Variants in MANSC1 observed in about 807,000 individuals in gnomAD.
MANSC1 encodes MANSC domain containing 1.
Under a neutral mutation model 14.1 loss-of-function variants are expected in MANSC1, and 13 were observed. The ratio of observed to expected loss-of-function variants is 0.92; its 90% confidence interval spans 0.60 to 1.46. The LOEUF is 1.46. MANSC1 is among the 40% of genes most tolerant of loss of function. MANSC1 has a pLI of 0.00. For missense variants in MANSC1, 486 were observed against 511.4 expected, an observed-to-expected ratio of 0.95 and a Z score of 0.48; for synonymous variants, 227 against 200.7, an observed-to-expected ratio of 1.13 and a Z score of -1.11.
At position 12,330,487 on chromosome 12, in the gene MANSC1, G is replaced by A. The variant is rs1862770796; in HGVS notation, c.836C>T (p.Pro279Leu). The change falls in exon 4 of 4, where the codon CCC (proline) becomes CTC (leucine). Residue 279 changes from proline (P) to leucine (L), a missense_variant. Transcript: ENST00000535902. The part of the protein sequence containing the change: ...PPVTTVTSQP[P>L]TTLISTVFTR... ...AAAAACTGTAGAAATGAGGGTCGTG[G>A]GAGGCTGAGAAGTGACAGTGGTTAC... 2 of 1,613,590 alleles carry A rather than the reference G, an allele frequency of 1.2e-6. No individual in the cohort carries two copies. The highest frequency in any genetic ancestry group is 1.3e-5 in the African/African-American group (1 of 74,922).
intron 2 of MANSC1, among the ~76,000 whole-genome samples, chr12:12,339,686 C>T (rs1283272245): frequency 6.6e-6 from 1 of 152,164 alleles, no homozygotes; most frequent in Non-Finnish European, 1.5e-5. Context: ...GGAATACAGT[C>T]TATCTTTTAA....
At chr12:12,340,351 G>A (rs925901032) in intron 2 of MANSC1, among the ~76,000 whole-genome samples, 2 of 152,158 alleles carry the variant, frequency 1.3e-5, no homozygotes, top group African/African-American at 4.8e-5. Flanking sequence ...TCCAACTCCC[G>A]AGATGGGAAG....
At chr12:12,338,858 G>T in intron 2 of MANSC1, 1 of 391,800 alleles carries the variant, frequency 2.6e-6, no homozygotes, top group Non-Finnish European at 4.7e-6. Context: ...AAGAAGGCAG[G>T]GCTGAAAGGC....
At chr12:12,348,674 A>G (rs1308412903) in intron 1 of MANSC1, among the ~76,000 whole-genome samples, 1 of 150,570 alleles carries the variant, frequency 6.6e-6, no homozygotes, top group East Asian at 2.0e-4. Flanking sequence ...CAGAGTGAAC[A>G]TTATGTGAAC....
intron 2 of MANSC1, among the ~76,000 whole-genome samples, chr12:12,339,732 A>T (rs1342112651): frequency 6.6e-6 from 1 of 151,812 alleles, no homozygotes; most frequent in Non-Finnish European, 1.5e-5. Flanking sequence ...TTTTCTTCCA[A>T]TTACCCCTCT....
intron 1 of MANSC1, 22 bp downstream of exon 1, chr12:12,350,056 G>A (rs1270489429): frequency 6.6e-6 from 1 of 152,170 alleles, no homozygotes; most frequent in African/African-American, 2.4e-5. Context: ...GTCGGGGGTG[G>A]GTATTGGGGA....
In MANSC1 at chr12:12,330,022, C is replaced by T; in HGVS notation, c.*5G>A. 1 of 1,608,644 alleles carries T rather than the reference C, an allele frequency of 6.2e-7. No individual in the cohort carries two copies. Among genetic ancestry groups the T allele is most frequent in the Non-Finnish European group, 8.5e-7 (1 of 1,176,892 alleles). ...AAATGAATTAAGAGACACCGAGTTC[C>T]ATCCTTAGATGTCCACATAGATCCC... On this transcript the variant is annotated 3_prime_UTR_variant, in exon 4 of 4. Coordinates refer to ENST00000535902, the MANE Select transcript of MANSC1 (RefSeq NM_018050.4).
intron 1 of MANSC1, among the ~76,000 whole-genome samples, chr12:12,345,870 T>C (rs1406432599): frequency 1.3e-5 from 2 of 152,200 alleles, no homozygotes; most frequent in African/African-American, 2.4e-5. Context: ...ATTACCAAAA[T>C]AGATTTTAGA....
At chr12:12,344,008 G>A (rs925052668) in intron 1 of MANSC1, among the ~76,000 whole-genome samples, 1 of 152,008 alleles carries the variant, frequency 6.6e-6, no homozygotes, top group African/African-American at 2.4e-5. Flanking sequence ...AGCGACTTGG[G>A]AGGCTGAGGT....
intron 3 of MANSC1, among the ~76,000 whole-genome samples, chr12:12,336,592 A>C (rs1592031936): frequency 1.3e-5 from 2 of 152,064 alleles, no homozygotes; most frequent in South Asian, 2.1e-4. Context: ...AGTGGCATGA[A>C]CACAGCTCAC....
Position 12,326,492 on chromosome 12 carries a change from GTC to G in MANSC1, c.*3533_*3534del, listed in dbSNP as rs1284863729. On this transcript the variant is annotated 3_prime_UTR_variant, in exon 4 of 4. Transcript: ENST00000535902. ...CAGCTGACCGGTAGTGCCCACCACA[GTC>G]TGGGAGCCAAAGAGTTCCAAAAGTT... 1 of 152,288 alleles carries G rather than the reference GTC, an allele frequency of 6.6e-6. No individual in the cohort carries two copies. The highest frequency in any genetic ancestry group is 2.4e-5 in the African/African-American group (1 of 41,448). 9.4% of individuals were successfully genotyped at this position (152,288 alleles called of 1,614,324 possible).
intron 2 of MANSC1, among the ~76,000 whole-genome samples, chr12:12,341,805 A>G (rs1436912796): frequency 6.6e-6 from 1 of 152,260 alleles, no homozygotes; most frequent in Non-Finnish European, 1.5e-5. Context: ...AGCCTGACCA[A>G]CATGGTGAAA....
chr12:12,339,488 G>C (rs906093426), intron 2 of MANSC1, among the ~76,000 whole-genome samples: 1 of 152,038 alleles, frequency 6.6e-6, no homozygotes, highest in Non-Finnish European at 1.5e-5. Flanking sequence ...GGCTAGTCTT[G>C]AACTCCTGGG....
intron 3 of MANSC1, among the ~76,000 whole-genome samples, chr12:12,336,457 T>C (rs1322668767): frequency 6.6e-6 from 1 of 152,234 alleles, no homozygotes; most frequent in East Asian, 1.9e-4. Context: ...TATATTTTTC[T>C]TGATTATTTA....
intron 1 of MANSC1, among the ~76,000 whole-genome samples, chr12:12,344,990 G>C (rs1862991958): frequency 9.3e-6 from 1 of 107,554 alleles, no homozygotes; most frequent in South Asian, 3.4e-4. Context: ...TGTCCTTCTA[G>C]AGAACCCTGA....
rs551561767 is a variant in MANSC1 at position 12,343,085 on chromosome 12, T to A, written c.223+7A>T. 1 of 1,603,232 alleles carries A rather than the reference T, an allele frequency of 6.2e-7. No individual in the cohort carries two copies. The highest frequency in any genetic ancestry group is 8.5e-7 in the Non-Finnish European group (1 of 1,170,446). On this transcript the variant is annotated splice_region_variant and intron_variant, in intron 2 of 3. Transcript: ENST00000535902. Reference sequence around the variant, plus strand: ...GAACAAAGGATTGCCAAGAAACCACTATTTACCTGATATGTTTTTTGTTGA... The same window carrying A: ...GAACAAAGGATTGCCAAGAAACCACAATTTACCTGATATGTTTTTTGTTGA...
Position 12,330,173 on chromosome 12 carries a change from A to G in MANSC1, c.1150T>C (p.Trp384Arg). The change falls in exon 4 of 4, where the codon TGG becomes CGG. Residue 384 changes from tryptophan (W) to arginine (R), a missense_variant. Coordinates refer to ENST00000535902, the MANE Select transcript of MANSC1 (RefSeq NM_018050.4). ...AAGAGCAGGGACCCGATAAGAAGCCATTTTTCAAATGGAAGGCCGTACTGA... is the reference window on the plus strand; with the variant it reads ...AAGAGCAGGGACCCGATAAGAAGCCGTTTTTCAAATGGAAGGCCGTACTGA... ...ENQYGLPFEK[W>R]LLIGSLLFGV... 6.2e-7 allele frequency: 1 copy of G among 1,614,102 alleles called. No homozygotes were observed. The highest frequency in any genetic ancestry group is 8.5e-7 in the Non-Finnish European group (1 of 1,180,022).
intron 2 of MANSC1, among the ~76,000 whole-genome samples, chr12:12,342,455 T>C (rs1862946642): frequency 6.6e-6 from 1 of 152,124 alleles, no homozygotes; most frequent in African/African-American, 2.4e-5. Flanking sequence ...AATCCTAAAA[T>C]ATGCAAGTCC....
rs1033686456 is a variant in MANSC1 at position 12,330,235 on chromosome 12, C to G, written c.1088G>C (p.Ser363Thr). ...ACTGCCCTGGGAGGAACTGCCTGGA[C>G]TGGCCTCCCTACCTTCCCAGGAAGC... Reference protein sequence around the residue: ...KTASWEGREASPGSSSQGSVP... With the variant: ...KTASWEGREATPGSSSQGSVP... The change falls in exon 4 of 4, where the codon AGT becomes ACT. Residue 363 changes from serine to threonine, a missense_variant. Transcript: ENST00000535902. The G allele has an allele frequency of 6.2e-7, 1 of 1,614,152 alleles. No homozygotes were observed. The highest frequency in any genetic ancestry group is 2.2e-5 in the East Asian group (1 of 44,880).
Sources: gnomAD v4.1 joint callset for allele counts (sites outside exome capture counted in the v4.1 genomes callset) on GRCh38, gnomAD v4.1.1 for gene constraint, MANE v1.5 for transcripts, NCBI Gene and HGNC (gene_info 2026-07-23, HGNC 2026-07-21) for gene names.